KALRN: variants seen among roughly 807,000 people sequenced by gnomAD.
KALRN encodes kalirin RhoGEF kinase, also known as kalirin.
A neutral mutation model predicts 353.7 loss-of-function variants in KALRN; 70 were observed. The ratio of observed to expected loss-of-function variants is 0.20; its 90% CI spans 0.16 to 0.24. The LOEUF is 0.24. KALRN is among the 10% of genes least tolerant of loss of function. The pLI, the probability that KALRN is intolerant of heterozygous loss-of-function variation, is 1.00. For synonymous variants in KALRN, 1,391 were observed against 1,434.8 expected, an observed-to-expected ratio of 0.97 and a Z score of 0.69; for missense variants, 2,791 against 3,756.7, an observed-to-expected ratio of 0.74 and a Z score of 6.72.
At chr3:124,598,876 A>G (rs2076523073) in intron 34 of KALRN, among the ~76,000 whole-genome samples, 1 of 152,176 alleles carries the variant, frequency 6.6e-6, no homozygotes, top group Non-Finnish European at 1.5e-5. Context: ...AGGTCTTGCC[A>G]TGTTGGCCAG....
intron 17 of KALRN, among the ~76,000 whole-genome samples, chr3:124,435,177 G>GTA (rs1443901644): frequency 1.3e-5 from 2 of 152,236 alleles, no homozygotes; most frequent in African/African-American, 4.8e-5. Context: ...ATGAAGGTTG[G>GTA]GAGAGGAGAA....
intron 7 of KALRN, among the ~76,000 whole-genome samples, chr3:124,327,467 C>G (rs1380525512): frequency 6.6e-6 from 1 of 152,120 alleles, no homozygotes; most frequent in Non-Finnish European, 1.5e-5. Context: ...AATCAACTGG[C>G]TACATTAAAT....
At chr3:124,383,333 A>G (rs2087701848) in intron 10 of KALRN, among the ~76,000 whole-genome samples, 1 of 152,184 alleles carries the variant, frequency 6.6e-6, no homozygotes, top group Non-Finnish European at 1.5e-5. Context: ...GCACCACGAG[A>G]CTGTGACTTA....
At position 124,661,846 on chromosome 3, in the gene KALRN, C is replaced by A. The variant is rs1050256780; in HGVS notation, c.6268-5C>A. On this transcript the variant is annotated splice_region_variant and splice_polypyrimidine_tract_variant and intron_variant, in intron 44 of 59. Transcript: ENST00000682506. ...CTCCTGAGTAACAGTTGTTCTTTCCCACAGAAAGCAGTGGAGTTAATGTGC... is the reference window on the plus strand; with the variant it reads ...CTCCTGAGTAACAGTTGTTCTTTCCAACAGAAAGCAGTGGAGTTAATGTGC... 1.9e-6 allele frequency: 3 copies of A among 1,613,020 alleles called. No individual in the cohort carries two copies. The highest frequency in any genetic ancestry group is 1.7e-5 in the Admixed American group (1 of 60,004).
At chr3:124,452,689 G>C (rs569564727) in intron 21 of KALRN, among the ~76,000 whole-genome samples, 1 of 152,040 alleles carries the variant, frequency 6.6e-6, no homozygotes, top group African/African-American at 2.4e-5. Flanking sequence ...GGGGAAGGGC[G>C]TGTCTACACT....
Position 124,678,216 on chromosome 3 carries a change from G to A in KALRN, c.7220G>A (p.Arg2407His), listed in dbSNP as rs767013745. 7.4e-6 allele frequency: 12 copies of A among 1,613,746 alleles called. No homozygotes were observed. The highest frequency in any genetic ancestry group is 2.7e-5 in the African/African-American group (2 of 74,900). ...IKKSCSWHTL[R>H]MRKRAEVENT... ...AAGTCATGTTCATGGCATACTCTAC[G>A]CATGAGAAAGCGGGCGGAAGTGGAG... Residue 2407 changes from arginine to histidine, a missense_variant, in exon 50 of 60, where the codon CGC becomes CAC. By Grantham distance (29) the Arg-to-His change is conservative. This residue lies in a region of KALRN where 1,065 missense variants were observed against 1,156.4 expected (regional missense o/e 0.92). Transcript: ENST00000682506.
chr3:124,141,524 CCTT>C (rs1271136024), intron 1 of KALRN, among the ~76,000 whole-genome samples: 2 of 152,212 alleles, frequency 1.3e-5, no homozygotes, highest in Non-Finnish European at 2.9e-5. Flanking sequence ...GATCCAAACT[CCTT>C]CTTCCACAGA....
intron 34 of KALRN, among the ~76,000 whole-genome samples, chr3:124,587,250 G>C (rs772206356): frequency 6.6e-6 from 1 of 152,162 alleles, no homozygotes; most frequent in African/African-American, 2.4e-5. Context: ...CGGTTGTTTG[G>C]TCTCTATCCC....
At chr3:124,643,293 G>A (rs1000097369) in intron 37 of KALRN, among the ~76,000 whole-genome samples, 2 of 151,986 alleles carry the variant, frequency 1.3e-5, no homozygotes, top group African/African-American at 2.4e-5. Context: ...GATTGCAGGT[G>A]TGAGCCACCA....
chr3:124,331,298 A>T (rs1358328396), intron 8 of KALRN, among the ~76,000 whole-genome samples: 1 of 152,232 alleles, frequency 6.6e-6, no homozygotes, highest in Non-Finnish European at 1.5e-5. Context: ...AAATAATGGC[A>T]TTCACAGCAA....
intron 34 of KALRN, among the ~76,000 whole-genome samples, chr3:124,610,670 C>G (rs957804101): frequency 1.3e-5 from 2 of 151,844 alleles, no homozygotes; most frequent in Non-Finnish European, 2.9e-5. Flanking sequence ...TCAGCAATAC[C>G]CCAGATATCA....
At chr3:124,069,059 A>G (rs2042615242) in intron 1 of KALRN, among the ~76,000 whole-genome samples, 1 of 152,200 alleles carries the variant, frequency 6.6e-6, no homozygotes, top group African/African-American at 2.4e-5. Context: ...CATACCTAGT[A>G]TTTATTGAAT....
chr3:124,294,114 A>C (rs1458914359), intron 5 of KALRN, among the ~76,000 whole-genome samples: 3 of 152,126 alleles, frequency 2.0e-5, no homozygotes, highest in Non-Finnish European at 2.9e-5. Flanking sequence ...ACTGAGGAAT[A>C]GCACCTTACC....
At chr3:124,280,264 C>G (rs1287636561) in intron 5 of KALRN, among the ~76,000 whole-genome samples, 1 of 152,206 alleles carries the variant, frequency 6.6e-6, no homozygotes, top group Admixed American at 6.5e-5. Flanking sequence ...TGTGAGGCAG[C>G]CTGTTCCACT....
At chr3:124,486,647 TCAAGGATA>T (rs1282405120) in intron 28 of KALRN, among the ~76,000 whole-genome samples, 1 of 152,192 alleles carries the variant, frequency 6.6e-6, no homozygotes, top group African/African-American at 2.4e-5. Context: ...ACTAAAAATT[TCAAGGATA>T]CAAGTAATTC....
chr3:124,090,618 G>A (rs2061059940), intron 1 of KALRN, among the ~76,000 whole-genome samples: 1 of 152,170 alleles, frequency 6.6e-6, no homozygotes, highest in African/African-American at 2.4e-5. Context: ...TCTAATGGGG[G>A]ACTCAGAATC....
intron 33 of KALRN, among the ~76,000 whole-genome samples, chr3:124,496,873 A>G (rs1384751091): frequency 6.6e-6 from 1 of 152,172 alleles, no homozygotes; most frequent in Non-Finnish European, 1.5e-5. Context: ...AAGGTTTGGG[A>G]AATGGCCACA....
intron 34 of KALRN, among the ~76,000 whole-genome samples, chr3:124,598,181 C>G (rs1335719773): frequency 6.6e-6 from 1 of 152,220 alleles, no homozygotes; most frequent in Non-Finnish European, 1.5e-5. Flanking sequence ...TGGGGGAAAT[C>G]AGCTGCTCCT....
At chr3:124,329,054 C>T (rs1280653121) in intron 7 of KALRN, among the ~76,000 whole-genome samples, 3 of 152,154 alleles carry the variant, frequency 2.0e-5, no homozygotes, top group Non-Finnish European at 2.9e-5. Flanking sequence ...GAATCACAGA[C>T]AGAACGATTC....
Sources: gnomAD v4.1 joint callset for allele counts (sites outside exome capture counted in the v4.1 genomes callset) on GRCh38, gnomAD v4.1.1 for gene constraint, gnomAD v4.1.1 regional missense constraint, MANE v1.5 for transcripts, NCBI Gene and HGNC (gene_info 2026-07-23, HGNC 2026-07-21) for gene names.